MAP4: variants seen among roughly 807,000 people sequenced by gnomAD.
The protein encoded by MAP4 is microtubule-associated protein 4.
MAP4 carries 76 observed loss-of-function variants against 170.2 expected under a neutral mutation model. That is an observed-to-expected ratio of 0.45 (90% CI 0.37 to 0.54). The LOEUF (loss-of-function observed/expected upper bound fraction) is 0.54, where lower values mean the gene tolerates loss of function less well. MAP4 is among the 20% of genes least tolerant of loss of function. The pLI, the probability that MAP4 is intolerant of heterozygous loss-of-function variation, is 0.00. For missense variants in MAP4, 2,506 were observed against 2,748.0 expected (o/e 0.91, Z 1.97); for synonymous variants, 909 against 994.5 (o/e 0.91, Z 1.62).
chr3:47,963,752 C>T lies in MAP4; in HGVS notation c.292+14113G>A, dbSNP rs116610669. 4.0e-3 allele frequency among the ~76,000 whole-genome samples: 613 copies of T among 152,228 alleles called. 6 individuals are homozygous for T. Among genetic ancestry groups the T allele is most frequent in the African/African-American group, 0.014 (594 of 41,544 alleles). On this transcript the variant is annotated intron_variant, in intron 3 of 20. Transcript: ENST00000683076. ...CCTGTCCCTCTCATAAAATTTGTTT[C>T]TATAATATCTTCTTCTGGTGGGGAA... is the stretch of plus-strand genomic sequence containing the variant.
intron 3 of MAP4, among the ~76,000 whole-genome samples, chr3:47,976,751 C>T (rs1409573082): frequency 1.3e-5 from 2 of 152,098 alleles, no homozygotes; most frequent in African/African-American, 2.4e-5. Flanking sequence ...TAAAGAGTTC[C>T]TAATTTATTA....
chr3:47,870,783 A>G, intron 15 of MAP4, 30 bp downstream of exon 15: 1 of 1,516,636 alleles, frequency 6.6e-7, no homozygotes, highest in South Asian at 1.3e-5. Context: ...AGGGGCCAGC[A>G]TGCCAGGACC....
rs146208991 is a variant in MAP4 at position 48,035,926 on chromosome 3, C to T, written c.-19-37047G>A. ...CTGCATTCCAGCCTGGGCGACAGAG[C>T]GAGACTCCATCCCCCCCTCTCAAAA... On this transcript the variant is annotated intron_variant, in intron 1 of 18. Coordinates refer to the MAP4 transcript ENST00000360240. Among the ~76,000 whole-genome samples, 738 of 152,058 alleles carry T rather than the reference C, an allele frequency of 4.9e-3. 6 individuals carry two copies. Among genetic ancestry groups the T allele is most frequent in the Non-Finnish European group, 5.1e-3 (347 of 67,972 alleles).
chr3:47,988,977 A>AT (rs1472619495), intron 2 of MAP4, among the ~76,000 whole-genome samples: 1 of 152,020 alleles, frequency 6.6e-6, no homozygotes, highest in South Asian at 2.1e-4. Flanking sequence ...CGCCTGGCTA[A>AT]TTTTTTGTAT....
chr3:48,005,860 T>C (rs898405256), intron 1 of MAP4, among the ~76,000 whole-genome samples: 1 of 152,160 alleles, frequency 6.6e-6, no homozygotes, highest in Non-Finnish European at 1.5e-5. Context: ...GTCACTCAAT[T>C]ACAAAATTGA....
intron 1 of MAP4, among the ~76,000 whole-genome samples, chr3:48,022,559 A>T (rs1476195155): frequency 6.6e-6 from 1 of 152,204 alleles, no homozygotes; most frequent in Non-Finnish European, 1.5e-5. Flanking sequence ...TCATCCATTA[A>T]GTGAAGGCTA....
upstream of MAP4, among the ~76,000 whole-genome samples, chr3:48,019,449 G>A (rs189141946): frequency 1.3e-5 from 2 of 152,074 alleles, no homozygotes; most frequent in Non-Finnish European, 2.9e-5. Context: ...AATCTCTATA[G>A]TTATCAGCTC....
At chr3:47,858,586 G>GGTGT (rs59208724) in intron 17 of MAP4, among the ~76,000 whole-genome samples, 26,191 of 145,134 alleles carry the variant, frequency 0.18, 2,616 homozygotes, top group Middle Eastern at 0.28. Flanking sequence ...GTGAGGGGGT[G>GGTGT]GTGTGTGTGT....
intron 1 of MAP4, among the ~76,000 whole-genome samples, chr3:48,028,410 G>A (rs900895796): frequency 5.3e-5 from 8 of 152,122 alleles, no homozygotes; most frequent in Non-Finnish European, 1.2e-4. Flanking sequence ...GGGTTTTAGT[G>A]GCTTGGTTTA....
intron 1 of MAP4, among the ~76,000 whole-genome samples, chr3:48,045,457 T>G (rs551810934): frequency 5.3e-4 from 80 of 152,144 alleles, no homozygotes; most frequent in African/African-American, 1.9e-3. Flanking sequence ...TACTGTGAAC[T>G]GTGCATGCGA....
chr3:47,867,399 AG>A, intron 16 of MAP4, 61 bp from the exon 17 acceptor site: 1 of 1,125,708 alleles, frequency 8.9e-7, no homozygotes, highest in Non-Finnish European at 1.4e-6. Flanking sequence ...GAACCGACAC[AG>A]GGAAGGCAGT....
chr3:47,999,001 A>C, intron 1 of MAP4, 122 bp from the exon 2 acceptor site: 1 of 648,706 alleles, frequency 1.5e-6, no homozygotes. Context: ...TTACAGCTAG[A>C]AGAGGCTCCC....
At chr3:47,992,510 C>T (rs1234076633) in intron 2 of MAP4, among the ~76,000 whole-genome samples, 1 of 152,074 alleles carries the variant, frequency 6.6e-6, no homozygotes, top group Non-Finnish European at 1.5e-5. Context: ...ACTGCAGCCT[C>T]GACCTCTGGG....
At chr3:47,999,620 CAT>C (rs1319079048) in intron 1 of MAP4, among the ~76,000 whole-genome samples, 2 of 152,116 alleles carry the variant, frequency 1.3e-5, no homozygotes, top group African/African-American at 2.4e-5. Context: ...CCAAATACCA[CAT>C]GTTCTTACTT....
chr3:48,073,181 G>T (rs1211630690), intron 1 of MAP4, among the ~76,000 whole-genome samples: 1 of 151,704 alleles, frequency 6.6e-6, no homozygotes, highest in Non-Finnish European at 1.5e-5. Flanking sequence ...CTGCACTCCA[G>T]CCTGGGCAAC....
At chr3:47,992,088 G>A (rs2100092705) in intron 2 of MAP4, among the ~76,000 whole-genome samples, 1 of 151,992 alleles carries the variant, frequency 6.6e-6, no homozygotes, top group Non-Finnish European at 1.5e-5. Context: ...ATGAAGTCTA[G>A]GGCCCTTCCA....
Position 47,981,391 on chromosome 3 carries a change from A to AAAAT in MAP4, c.224-3462_224-3459dup, listed in dbSNP as rs568109418. ...GCAACATAGTGTGACCCCATCTCTA[A>AAAAT]AAATAAATAAATAAATAAATAAATT... On this transcript the variant is annotated intron_variant, in intron 2 of 20. Transcript: ENST00000683076. Among the ~76,000 whole-genome samples the AAAAT allele has an allele frequency of 1.8e-3, 274 of 151,932 alleles. 1 individual carries two copies. Among genetic ancestry groups the AAAAT allele is most frequent in the Non-Finnish European group, 2.6e-3 (180 of 67,942 alleles).
chr3:48,031,437 C>T (rs749873498), intron 1 of MAP4, among the ~76,000 whole-genome samples: 1 of 151,952 alleles, frequency 6.6e-6, no homozygotes, highest in Non-Finnish European at 1.5e-5. Context: ...TGTAGTCCCA[C>T]CTACTTGGGA....
At chr3:47,972,564 G>C (rs1207347180) in intron 3 of MAP4, among the ~76,000 whole-genome samples, 2 of 152,130 alleles carry the variant, frequency 1.3e-5, no homozygotes, top group Non-Finnish European at 2.9e-5. Flanking sequence ...TATAATTCTG[G>C]ATAAAAGAGA....
Sources: allele counts gnomAD v4.1 joint callset (sites outside exome capture counted in the v4.1 genomes callset), GRCh38; gene constraint gnomAD v4.1.1; transcripts MANE v1.5; gene names NCBI Gene and HGNC (gene_info 2026-07-23, HGNC 2026-07-21).